Variants in C2CD3 observed in about 807,000 individuals in gnomAD.
C2CD3 encodes the protein C2 domain containing 3 centriole elongation regulator, also known as C2 domain-containing protein 3.
A neutral mutation model predicts 234.0 loss-of-function variants in C2CD3; 148 were observed. That is an observed-to-expected ratio of 0.63 (90% CI 0.55 to 0.72). The LOEUF (loss-of-function observed/expected upper bound fraction) is 0.72. Among genes scored for constraint, C2CD3 ranks in the 30% least tolerant of loss-of-function variants. The pLI, the probability that C2CD3 is intolerant of heterozygous loss-of-function variation, is 0.00. For synonymous variants in C2CD3, 1,000 were observed against 1,035.4 expected, an observed-to-expected ratio of 0.97 and a Z score of 0.66; for missense variants, 2,577 against 2,811.5, an observed-to-expected ratio of 0.92 and a Z score of 1.89.
chr11:74,157,525 T>G (rs1349476087), intron 3 of C2CD3, among the ~76,000 whole-genome samples: 1 of 152,178 alleles, frequency 6.6e-6, no homozygotes, highest in Non-Finnish European at 1.5e-5. Flanking sequence ...AATGTTAAGT[T>G]TTTTTTCAGT....
intron 24 of C2CD3, among the ~76,000 whole-genome samples, chr11:74,064,905 T>C (rs1002463259): frequency 1.3e-5 from 2 of 152,134 alleles, no homozygotes; most frequent in Admixed American, 6.5e-5. Flanking sequence ...TTACACCTTA[T>C]ACAAAAATTA....
chr11:74,139,662 G>C lies in C2CD3; in HGVS notation c.650C>G (p.Thr217Ser). ...QVPSRPRDIH[T>S]IKIDGKELAA... The stretch of plus-strand genomic sequence containing the variant: ...TAACTCTTTTCCATCAATTTTGATG[G>C]TATGTATGTCGCGAGGCCTTGATGG... The change falls in exon 4 of 33, where the codon ACC (threonine) becomes AGC (serine). Residue 217 changes from threonine (T) to serine (S), a missense_variant. Coordinates refer to ENST00000334126, the MANE Select transcript of C2CD3 (RefSeq NM_001286577.2). 1 of 1,613,976 alleles carries C rather than the reference G, an allele frequency of 6.2e-7. No homozygotes were observed. Among genetic ancestry groups the C allele is most frequent in the Non-Finnish European group, 8.5e-7 (1 of 1,179,900 alleles).
At position 74,033,923 on chromosome 11, in the gene C2CD3, C is replaced by A. The variant is rs192323211; in HGVS notation, c.6237G>T (p.Thr2079=). ...IEPRTLNEIT[T]VTDKTSPWSS... is the part of the protein sequence containing the mutation. ...ACCAAGGGCTAGTTTTGTCTGTCAC[C>A]GTGGTGATCTCATTTAAGGTCCTGG... Residue 2079 remains threonine (T), a synonymous_variant, in exon 31 of 33, where the codon ACG becomes ACT. Coordinates refer to ENST00000334126, the MANE Select transcript of C2CD3 (RefSeq NM_001286577.2). 6 of 1,536,232 alleles carry A rather than the reference C, an allele frequency of 3.9e-6. No individual in the cohort carries two copies. The highest frequency in any genetic ancestry group is 5.2e-6 in the Non-Finnish European group (6 of 1,146,938).
chr11:74,089,402 C>T (rs1001931247), intron 20 of C2CD3, among the ~76,000 whole-genome samples: 2 of 152,224 alleles, frequency 1.3e-5, no homozygotes, highest in African/African-American at 2.4e-5. Flanking sequence ...ATCACCTTCA[C>T]TAACACTAAG....
chr11:74,116,947 CGTATATAT>C (rs1387841954), intron 9 of C2CD3, among the ~76,000 whole-genome samples: 3 of 109,740 alleles, frequency 2.7e-5, no homozygotes, highest in Admixed American at 8.4e-5. Context: ...CACATATACA[CGTATATAT>C]GTGTATATAC....
chr11:74,086,705 G>A (rs551097187), intron 20 of C2CD3, among the ~76,000 whole-genome samples: 61 of 152,244 alleles, frequency 4.0e-4, no homozygotes, highest in African/African-American at 1.4e-3. Flanking sequence ...GAATCTACAC[G>A]CCTTTAACGA....
chr11:74,114,891 G>A (rs1446851036), intron 9 of C2CD3, among the ~76,000 whole-genome samples: 2 of 151,830 alleles, frequency 1.3e-5, no homozygotes, highest in African/African-American at 4.8e-5. Context: ...TTGTAGAGAT[G>A]AGATATTACT....
intron 5 of C2CD3, among the ~76,000 whole-genome samples, chr11:74,137,552 C>A (rs1337443374): frequency 3.6e-5 from 5 of 140,706 alleles, no homozygotes; most frequent in Admixed American, 7.2e-5. Flanking sequence ...TATATATATA[C>A]TTTTTTTTGG....
At position 74,168,329 on chromosome 11, in the gene C2CD3, A is replaced by G. The variant is rs774000991; in HGVS notation, c.325+15T>C. 8.7e-6 allele frequency: 14 copies of G among 1,606,946 alleles called. No homozygotes were observed. The highest frequency in any genetic ancestry group is 1.2e-5 in the Non-Finnish European group (14 of 1,173,496). ...GTATTACGTCTGCAGGTGCAATGAT[A>G]AAACAATAACATACCTGTTAGATAA... On this transcript the variant is annotated intron_variant, in intron 2 of 32. Transcript: ENST00000334126.
chr11:74,099,541 C>T (rs549059048), intron 15 of C2CD3, among the ~76,000 whole-genome samples: 2 of 152,244 alleles, frequency 1.3e-5, no homozygotes, highest in East Asian at 3.9e-4. Flanking sequence ...TATGAGAAGG[C>T]TGCTAGGAAA....
intron 20 of C2CD3, among the ~76,000 whole-genome samples, chr11:74,086,944 C>G (rs1287641416): frequency 1.3e-5 from 2 of 152,160 alleles, no homozygotes; most frequent in African/African-American, 2.4e-5. Flanking sequence ...GGTTTGAATG[C>G]TGGCTCCACC....
chr11:74,054,261 G>C (rs1265020773), intron 26 of C2CD3, among the ~76,000 whole-genome samples: 1 of 125,190 alleles, frequency 8.0e-6, no homozygotes, highest in Non-Finnish European at 1.6e-5. Context: ...AACACAGCAA[G>C]ATTCTGTCTC....
rs1379113406 is a variant in C2CD3 at position 74,132,906 on chromosome 11, C to G, written c.1155G>C (p.Glu385Asp). Reference protein sequence around the residue: ...HIEDHLLPSTENTFWRHDTKA... With the variant: ...HIEDHLLPSTDNTFWRHDTKA... ...TTGTGTCATGTCTCCAAAATGTATT[C>G]TCAGTTGAAGGGAGGAGGTGATCTT... Residue 385 changes from glutamate to aspartate, a missense_variant, in exon 7 of 33, where the codon GAG becomes GAC. Coordinates refer to ENST00000334126, the MANE Select transcript of C2CD3 (RefSeq NM_001286577.2). 5 of 1,613,632 alleles carry G rather than the reference C, an allele frequency of 3.1e-6. No homozygotes were observed. The African/African-American group carries it at 6.7e-5, about 22-fold the overall frequency.
chr11:74,164,572 C>T (rs72984896), intron 2 of C2CD3, among the ~76,000 whole-genome samples: 5,825 of 152,202 alleles, frequency 0.038, 168 homozygotes, highest in Non-Finnish European at 0.061. Context: ...GGATAATACC[C>T]GTTGCAAATG....
chr11:74,074,252 C>T lies in C2CD3; in HGVS notation c.4951+1G>A, dbSNP rs863225151. 2 of 1,608,202 alleles carry T rather than the reference C, an allele frequency of 1.2e-6. No individual in the cohort carries two copies. The highest frequency in any genetic ancestry group is 3.3e-5 in the Admixed American group (2 of 59,856). ...CTCCTGGGTAGGTGAGGAGAGCATA[C>T]CTTTCAAGCTCAAGTGCATTGCTCT... On this transcript the variant is annotated splice_donor_variant, in intron 24 of 32. Coordinates refer to ENST00000334126, the MANE Select transcript of C2CD3 (RefSeq NM_001286577.2). LOFTEE classifies it high-confidence loss of function.
chr11:74,085,690 C>A lies in C2CD3; in HGVS notation c.3838G>T (p.Ala1280Ser). ...NLVTQHCSGE[A>S]CFLAELLEFA... ...TCCAACAACTCTGCTAGGAAACAGG[C>A]CTCTCCACTACAGTGCTGAGTCACC... The change falls in exon 21 of 33, where the codon GCC becomes TCC. Residue 1280 changes from alanine (A) to serine (S), a missense_variant. Ala to Ser is a moderately conservative substitution (Grantham distance 99). Transcript: ENST00000334126. 6.2e-7 allele frequency: 1 copy of A among 1,614,066 alleles called. No individual in the cohort carries two copies.
chr11:74,098,247 T>C lies in C2CD3; in HGVS notation c.2741A>G (p.Lys914Arg). 6.2e-7 allele frequency: 1 copy of C among 1,614,028 alleles called. No individual in the cohort carries two copies. The highest frequency in any genetic ancestry group is 8.5e-7 in the Non-Finnish European group (1 of 1,179,924). The change falls in exon 16 of 33, where the codon AAG becomes AGG. Residue 914 changes from lysine to arginine, a missense_variant. Physicochemically the swap from Lys to Arg is conservative, Grantham distance 26. Transcript: ENST00000334126. The part of the protein sequence containing the change: ...HQFYMSFKDA[K>R]ISRLLLDAQY... ...GGCATCCAGCAGCAGGCGAGAAATC[T>C]TAGCATCTCTAGAGGGGGAGAAATT...
chr11:74,080,356 C>T (rs1380339341), intron 22 of C2CD3, among the ~76,000 whole-genome samples: 1 of 152,104 alleles, frequency 6.6e-6, no homozygotes, highest in African/African-American at 2.4e-5. Context: ...CTCTAAGGCT[C>T]TTTTTCGGCT....
chr11:74,119,241 A>G (rs755027993), intron 8 of C2CD3, among the ~76,000 whole-genome samples: 24 of 152,062 alleles, frequency 1.6e-4, no homozygotes, highest in Non-Finnish European at 3.4e-4. Flanking sequence ...TCTATACTAC[A>G]AATGATTCAT....
Sources: gnomAD v4.1 joint callset for allele counts (sites outside exome capture counted in the v4.1 genomes callset) on GRCh38, gnomAD v4.1.1 for gene constraint, MANE v1.5 for transcripts, NCBI Gene and HGNC (gene_info 2026-07-23, HGNC 2026-07-21) for gene names.